Variants in TRIM25 observed in about 807,000 individuals in gnomAD.
TRIM25 encodes the protein E3 ubiquitin/ISG15 ligase TRIM25.
Under a neutral mutation model 65.2 loss-of-function variants are expected in TRIM25, and 45 were observed. The observed-to-expected ratio is 0.69, with a 90% CI of 0.54 to 0.89. The LOEUF (loss-of-function observed/expected upper bound fraction) is 0.89, where lower values mean the gene tolerates loss of function less well. TRIM25 is among the 40% of genes least tolerant of loss of function. The pLI is 0.00. For synonymous variants in TRIM25, 321 were observed against 340.4 expected (o/e 0.94, Z 0.63); for missense variants, 714 against 803.7 (o/e 0.89, Z 1.35).
chr17:56,901,268 G>C, intron 4 of TRIM25, 151 bp downstream of exon 4: 1 of 863,432 alleles, frequency 1.2e-6, no homozygotes, highest in Non-Finnish European at 1.7e-6. Flanking sequence ...CTCCCCACCA[G>C]CCTCCAGACA....
rs1909566235 is a variant in TRIM25 at position 56,908,539 on chromosome 17, CAGTT to C, written c.618_621del (p.Thr207SerfsTer16). Reference sequence around the variant, plus strand: ...GCCCCGTTGATCTGACTGTACATGACAGTTAGTTTGTGCCTCAGGGTGGCCTGCA... The same window carrying C: ...GCCCCGTTGATCTGACTGTACATGACAGTTTGTGCCTCAGGGTGGCCTGCA... On this transcript the variant is annotated frameshift_variant, in exon 2 of 9. Transcript: ENST00000316881. LOFTEE classifies it high-confidence loss of function. The C allele has an allele frequency of 6.2e-7, 1 of 1,614,002 alleles. No individual in the cohort carries two copies.
chr17:56,909,392 A>G (rs1400139977), intron 1 of TRIM25, among the ~76,000 whole-genome samples: 2 of 152,126 alleles, frequency 1.3e-5, no homozygotes, highest in Non-Finnish European at 2.9e-5. Flanking sequence ...TGGGAATAAG[A>G]TGAATCAGCC....
chr17:56,906,706 G>T (rs1022531592), intron 2 of TRIM25, among the ~76,000 whole-genome samples: 13 of 152,298 alleles, frequency 8.5e-5, no homozygotes, highest in South Asian at 8.3e-4. Context: ...TGTTGGCCAG[G>T]CTGGTCTTGA....
Position 56,892,374 on chromosome 17 carries a change from CATCT to C in TRIM25, c.1364-149_1364-146del, listed in dbSNP as rs66517862. ...TGGTCCATCCATCCACTCATCTATCCATCTGTCTGTCTATTCATCCATCTATCTG... is the reference window on the plus strand; with the variant it reads ...TGGTCCATCCATCCACTCATCTATCCGTCTGTCTATTCATCCATCTATCTG... On this transcript the variant is annotated intron_variant, in intron 8 of 8. Transcript: ENST00000316881. 7.0e-3 allele frequency: 5,884 copies of C among 843,232 alleles called. 229 individuals carry two copies. In the African/African-American group the frequency reaches 0.091, roughly 13 times the overall value. 52.2% of individuals were successfully genotyped at this position (843,232 alleles called of 1,614,324 possible). A position where few individuals can be genotyped will look rare whatever the true frequency, so the allele number is the denominator to read the frequency against.
chr17:56,891,565 T>TCCCCCCCACTCCCCCCCC lies in TRIM25; in HGVS notation c.*134_*135insGGGGGGGGAGTGGGGGGG. On this transcript the variant is annotated 3_prime_UTR_variant, in exon 9 of 9. Coordinates refer to ENST00000316881, the MANE Select transcript of TRIM25 (RefSeq NM_005082.5). ...CCTGGCTAAATCCCACCTCCCACCC[T>TCCCCCCCACTCCCCCCCC]CCCGCCAGCTCCCCTCCCATGCTCC... 1 of 222,230 alleles carries TCCCCCCCACTCCCCCCCC rather than the reference T, an allele frequency of 4.5e-6. No individual in the cohort carries two copies. The highest frequency in any genetic ancestry group is 3.6e-5 in the South Asian group (1 of 28,128). 13.8% of individuals were successfully genotyped at this position (222,230 alleles called of 1,614,324 possible).
At chr17:56,908,383 G>A in intron 2 of TRIM25, 85 bp downstream of exon 2, 1 of 1,348,692 alleles carries the variant, frequency 7.4e-7, no homozygotes, top group South Asian at 1.2e-5. Context: ...CACCAGCCTT[G>A]TCATGGTCAG....
chr17:56,903,143 G>T (rs556678440), intron 3 of TRIM25, among the ~76,000 whole-genome samples: 4 of 152,210 alleles, frequency 2.6e-5, no homozygotes, highest in African/African-American at 9.6e-5. Context: ...GCTCACACCT[G>T]TAATCTCAGC....
rs1316116723 is a variant in TRIM25 at position 56,895,228 on chromosome 17, C to T, written c.1363+115G>A. On this transcript the variant is annotated intron_variant, in intron 8 of 8. Coordinates refer to ENST00000316881, the MANE Select transcript of TRIM25 (RefSeq NM_005082.5). ...AATAAGGGAGCAACAAAGTAGAGGA[C>T]AAGTGAAGGGGAGTGGCTGATATAG... The T allele has an allele frequency of 6.9e-6, 5 of 729,668 alleles. No homozygotes were observed. The African/African-American group carries it at 8.9e-5, about 13-fold the overall frequency. The allele number at this position is 729,668 out of a possible 1,614,324, so 45.2% of individuals were successfully genotyped here.
At chr17:56,895,080 G>A (rs1199563254) in intron 8 of TRIM25, among the ~76,000 whole-genome samples, 1 of 152,228 alleles carries the variant, frequency 6.6e-6, no homozygotes, top group Non-Finnish European at 1.5e-5. Flanking sequence ...TGCAGGCGCC[G>A]ACCCACAGAG....
At chr17:56,906,586 C>T (rs1291233555) in intron 2 of TRIM25, among the ~76,000 whole-genome samples, 12 of 152,096 alleles carry the variant, frequency 7.9e-5, no homozygotes, top group African/African-American at 2.2e-4. Flanking sequence ...CTCTGCCTCC[C>T]GGGTTCAAGT....
intron 2 of TRIM25, among the ~76,000 whole-genome samples, chr17:56,908,151 C>A (rs562097808): frequency 3.3e-5 from 5 of 152,286 alleles, no homozygotes; most frequent in South Asian, 2.1e-4. Flanking sequence ...ATAGATGCAA[C>A]CCTATGAGCT....
At chr17:56,899,861 C>G (rs1685384837) in intron 4 of TRIM25, among the ~76,000 whole-genome samples, 1 of 152,232 alleles carries the variant, frequency 6.6e-6, no homozygotes, top group African/African-American at 2.4e-5. Context: ...AGGAGCATCA[C>G]TTGAAGCCAG....
chr17:56,904,710 G>A (rs1909486805), intron 2 of TRIM25, among the ~76,000 whole-genome samples: 1 of 152,184 alleles, frequency 6.6e-6, no homozygotes, highest in Non-Finnish European at 1.5e-5. Flanking sequence ...ACAAAAAATT[G>A]CAGCCACCTG....
Position 56,891,642 on chromosome 17 carries a change from A to C in TRIM25, c.*58T>G. 1 of 1,429,424 alleles carries C rather than the reference A, an allele frequency of 7.0e-7. No homozygotes were observed. The highest frequency in any genetic ancestry group is 1.2e-5 in the South Asian group (1 of 81,272). 88.5% of individuals were successfully genotyped at this position (1,429,424 alleles called of 1,614,324 possible). A position where few individuals can be genotyped will look rare whatever the true frequency, so the allele number is the denominator to read the frequency against. ...ATCCAAGGAGAGTTCTGCCTGCTGT[A>C]TTTTCACTAGGGTCTTGGGACTTCT... On this transcript the variant is annotated 3_prime_UTR_variant, in exon 9 of 9. Coordinates refer to ENST00000316881, the MANE Select transcript of TRIM25 (RefSeq NM_005082.5).
At chr17:56,898,184 C>A (rs1046598849) in intron 5 of TRIM25, among the ~76,000 whole-genome samples, 1 of 151,754 alleles carries the variant, frequency 6.6e-6, no homozygotes, top group African/African-American at 2.4e-5. Context: ...GACATCTCAG[C>A]GATATATGAA....
At chr17:56,894,981 A>G (rs887983387) in intron 8 of TRIM25, among the ~76,000 whole-genome samples, 3 of 152,054 alleles carry the variant, frequency 2.0e-5, no homozygotes, top group Admixed American at 6.5e-5. Context: ...GGTGGGGAGG[A>G]GACAGGAGAT....
chr17:56,889,710 C>G lies in TRIM25; in HGVS notation c.*1990G>C. On this transcript the variant is annotated 3_prime_UTR_variant, in exon 9 of 9. Transcript: ENST00000316881. ...TGCAGAAGAGAGCCAGAGCAGGAGC[C>G]ATGGATTTATCTCTGGCATTCTACT... The G allele has an allele frequency of 2.5e-6, 1 of 398,638 alleles. No individual in the cohort carries two copies. Among genetic ancestry groups the G allele is most frequent in the East Asian group, 3.6e-5 (1 of 28,072 alleles). 24.7% of individuals were successfully genotyped at this position (398,638 alleles called of 1,614,324 possible). A position where few individuals can be genotyped will look rare whatever the true frequency, so the allele number is the denominator to read the frequency against.
In TRIM25 at chr17:56,898,957, C is replaced by G; in HGVS notation, c.1153+158G>C. The G allele has an allele frequency of 4.2e-6, 3 of 709,242 alleles. No homozygotes were observed. The South Asian group carries it at 5.5e-5, about 13-fold the overall frequency. 43.9% of individuals were successfully genotyped at this position (709,242 alleles called of 1,614,324 possible). On this transcript the variant is annotated intron_variant, in intron 5 of 8. Transcript: ENST00000316881. ...CTGATGGACAGCGGAGCTTCTGCCA[C>G]AGCCCTACAGCCCCCCGCAGTGGGG...
chr17:56,912,594 C>A (rs573215392), intron 1 of TRIM25, among the ~76,000 whole-genome samples: 1 of 152,300 alleles, frequency 6.6e-6, no homozygotes, highest in East Asian at 1.9e-4. Context: ...CCGGACTCTA[C>A]GGACCTGGAT....
Sources: allele counts gnomAD v4.1 joint callset (sites outside exome capture counted in the v4.1 genomes callset), GRCh38; gene constraint gnomAD v4.1.1; transcripts MANE v1.5; gene names NCBI Gene and HGNC (gene_info 2026-07-23, HGNC 2026-07-21).